PEAK1: variants seen among roughly 807,000 people sequenced by gnomAD.
The protein encoded by PEAK1 is pseudopodium enriched atypical kinase 1, also known as inactive tyrosine-protein kinase PEAK1.
In PEAK1, 54 loss-of-function variants were observed where a neutral mutation model predicts 124.7. That is an observed-to-expected ratio of 0.43 (90% CI 0.35 to 0.54). PEAK1 has a LOEUF of 0.54. Among genes scored for constraint, PEAK1 ranks in the 20% least tolerant of loss-of-function variants. PEAK1 has a pLI of 0.01. For synonymous variants in PEAK1, 719 were observed against 760.0 expected (o/e 0.95, Z 0.89); for missense variants, 2,046 against 2,134.5 (o/e 0.96, Z 0.82).
At chr15:77,319,101 C>T (rs1189973003) in intron 2 of PEAK1, among the ~76,000 whole-genome samples, 1 of 152,102 alleles carries the variant, frequency 6.6e-6, no homozygotes, top group Non-Finnish European at 1.5e-5. Flanking sequence ...TGATATAATA[C>T]TTTGAAATTT....
At chr15:77,142,065 G>A (rs2053831314) in intron 8 of PEAK1, among the ~76,000 whole-genome samples, 1 of 152,110 alleles carries the variant, frequency 6.6e-6, no homozygotes, top group Admixed American at 6.6e-5. Context: ...CACAGAATGG[G>A]AGAAAATATG....
Position 77,158,663 on chromosome 15 carries a change from A to G in PEAK1, c.3171T>C (p.Ser1057=). The G allele has an allele frequency of 6.2e-7, 1 of 1,614,088 alleles. No homozygotes were observed. The highest frequency in any genetic ancestry group is 8.5e-7 in the Non-Finnish European group (1 of 1,179,942). Residue 1057 remains serine (S), a synonymous_variant, in exon 8 of 10, where the codon TCT becomes TCC. Coordinates refer to ENST00000682557, the MANE Select transcript of PEAK1 (RefSeq NM_001385026.1). ...CAACAACAGTTCTTGGATCCCGAGGAGAAAAATCCTCTGTTACTTCATGGG... is the reference window on the plus strand; with the variant it reads ...CAACAACAGTTCTTGGATCCCGAGGGGAAAAATCCTCTGTTACTTCATGGG... ...HMTHEVTEDF[S]PRDPRTVVGK... is the part of the protein sequence containing the mutation.
rs2050855860 is a variant in PEAK1 at position 77,109,323 on chromosome 15, C to G, written c.*4833G>C. ...CTGCCAGGGCTTTCTTCATCTTCATCATCATCATCATCTTCTAATATACAA... is the reference window on the plus strand; with the variant it reads ...CTGCCAGGGCTTTCTTCATCTTCATGATCATCATCATCTTCTAATATACAA... On this transcript the variant is annotated 3_prime_UTR_variant, in exon 10 of 10. Coordinates refer to ENST00000682557, the MANE Select transcript of PEAK1 (RefSeq NM_001385026.1). The G allele has an allele frequency of 6.6e-6, 1 of 152,140 alleles. No individual in the cohort carries two copies. The highest frequency in any genetic ancestry group is 6.5e-5 in the Admixed American group (1 of 15,272). 9.4% of individuals were successfully genotyped at this position (152,140 alleles called of 1,614,324 possible). A position where few individuals can be genotyped will look rare whatever the true frequency, so the allele number is the denominator to read the frequency against.
intron 8 of PEAK1, among the ~76,000 whole-genome samples, chr15:77,150,703 C>G (rs1418015691): frequency 2.1e-5 from 3 of 145,090 alleles, no homozygotes; most frequent in Non-Finnish European, 4.5e-5. Flanking sequence ...TGATGTTCCC[C>G]TTCCTGTGTC....
chr15:77,214,558 A>T (rs1231047766), intron 6 of PEAK1, among the ~76,000 whole-genome samples: 2 of 151,612 alleles, frequency 1.3e-5, no homozygotes, highest in Non-Finnish European at 2.9e-5. Flanking sequence ...CAGGAGGCGG[A>T]ACTTGCAGTG....
intron 6 of PEAK1, among the ~76,000 whole-genome samples, chr15:77,184,002 A>G (rs2057411378): frequency 6.6e-6 from 1 of 150,976 alleles, no homozygotes; most frequent in African/African-American, 2.4e-5. Context: ...TAATTTTTCT[A>G]TTTTTTTTAT....
At chr15:77,387,092 A>G (rs541093155) in intron 1 of PEAK1, among the ~76,000 whole-genome samples, 1 of 152,356 alleles carries the variant, frequency 6.6e-6, no homozygotes. Context: ...TCAACATAGA[A>G]TAAGTCTCCA....
At chr15:77,355,813 TTATAA>T in intron 2 of PEAK1, 2 of 985,354 alleles carry the variant, frequency 2.0e-6, no homozygotes, top group Non-Finnish European at 2.4e-6. Context: ...AGAATCGGAA[TTATAA>T]TAGAAAAACT....
chr15:77,411,803 G>A (rs990721898), intron 1 of PEAK1, among the ~76,000 whole-genome samples: 1 of 151,874 alleles, frequency 6.6e-6, no homozygotes, highest in Admixed American at 6.6e-5. Flanking sequence ...TGGGGGTTGG[G>A]GGTGGGTCTC....
intron 2 of PEAK1, among the ~76,000 whole-genome samples, chr15:77,298,093 A>T (rs1226525052): frequency 2.1e-5 from 3 of 143,358 alleles, no homozygotes; most frequent in African/African-American, 7.7e-5. Context: ...AAAAAAAAGA[A>T]TGTCACAGTA....
chr15:77,173,487 C>A (rs1013845285), intron 7 of PEAK1, among the ~76,000 whole-genome samples: 3 of 152,026 alleles, frequency 2.0e-5, no homozygotes, highest in Non-Finnish European at 4.4e-5. Flanking sequence ...ACTTTTTTAG[C>A]AATTTTGAAA....
intron 5 of PEAK1, among the ~76,000 whole-genome samples, chr15:77,262,603 A>G (rs2061498743): frequency 8.0e-6 from 1 of 125,580 alleles, no homozygotes; most frequent in Admixed American, 7.9e-5. Flanking sequence ...ACCCAGATTC[A>G]TAAAGCAAGT....
At chr15:77,138,785 C>G (rs955272338) in intron 8 of PEAK1, among the ~76,000 whole-genome samples, 3 of 150,914 alleles carry the variant, frequency 2.0e-5, no homozygotes, top group African/African-American at 7.3e-5. Context: ...TCATTTGAAC[C>G]TGGGAGGCGG....
intron 2 of PEAK1, among the ~76,000 whole-genome samples, chr15:77,325,930 A>G (rs1446720296): frequency 9.9e-5 from 15 of 152,168 alleles, no homozygotes; most frequent in Admixed American, 9.8e-4. Context: ...CTACAAATGT[A>G]AGGTGACCAT....
chr15:77,222,359 T>C (rs1307562666), intron 6 of PEAK1, among the ~76,000 whole-genome samples: 6 of 152,070 alleles, frequency 3.9e-5, no homozygotes, highest in Non-Finnish European at 7.4e-5. Context: ...GTGACAAGGA[T>C]GTTTGTTATT....
intron 2 of PEAK1, chr15:77,352,875 T>C: frequency 1.0e-6 from 1 of 985,348 alleles, no homozygotes; most frequent in Non-Finnish European, 1.2e-6. Flanking sequence ...AGACATTTAG[T>C]GAAGGATCAA....
intron 6 of PEAK1, among the ~76,000 whole-genome samples, chr15:77,236,340 T>C (rs1163672428): frequency 6.6e-6 from 1 of 152,246 alleles, no homozygotes; most frequent in African/African-American, 2.4e-5. Context: ...TGCATCAGCA[T>C]GACCTGAATG....
intron 6 of PEAK1, among the ~76,000 whole-genome samples, chr15:77,237,075 A>T (rs1002779807): frequency 6.6e-6 from 1 of 152,172 alleles, no homozygotes; most frequent in African/African-American, 2.4e-5. Flanking sequence ...AATTTTTTTT[A>T]AAGTGGGCTT....
Position 77,165,200 on chromosome 15 carries a change from C to CTT in PEAK1, c.3138-6506_3138-6505dup, listed in dbSNP as rs953922841. Among the ~76,000 whole-genome samples, 870 of 131,412 alleles carry CTT rather than the reference C, an allele frequency of 6.6e-3. 13 individuals carry two copies. The highest frequency in any genetic ancestry group is 0.023 in the African/African-American group (824 of 35,534). The allele number at this position is 131,412 out of a possible 152,430, so 86.2% of individuals were successfully genotyped here. A position where few individuals can be genotyped will look rare whatever the true frequency, so the allele number is the denominator to read the frequency against. On this transcript the variant is annotated intron_variant, in intron 7 of 9. Transcript: ENST00000682557. ...ACAGGTGTGAGCCACTACGCCTGGC[C>CTT]TTTTTTTTTTTTTTTTTGAGACAGT... is the stretch of plus-strand genomic sequence containing the variant.
Sources: gnomAD v4.1 joint callset for allele counts (sites outside exome capture counted in the v4.1 genomes callset) on GRCh38, gnomAD v4.1.1 for gene constraint, MANE v1.5 for transcripts, NCBI Gene and HGNC (gene_info 2026-07-23, HGNC 2026-07-21) for gene names.